Variants in ZNF385B observed in about 807,000 individuals in gnomAD.
ZNF385B encodes the protein zinc finger protein 385B, also known as zinc finger protein 533.
ZNF385B carries 23 observed loss-of-function variants against 39.2 expected under a neutral mutation model. The ratio of observed to expected loss-of-function variants is 0.59; its 90% CI spans 0.42 to 0.83. The LOEUF is 0.83. Among genes scored for constraint, ZNF385B ranks in the 40% least tolerant of loss-of-function variants. ZNF385B has a pLI of 0.00. For synonymous variants in ZNF385B, 205 were observed against 222.6 expected (o/e 0.92, Z 0.70); for missense variants, 552 against 598.9 (o/e 0.92, Z 0.82).
chr2:179,605,581 A>G (rs917956389), intron 3 of ZNF385B, among the ~76,000 whole-genome samples: 4 of 152,180 alleles, frequency 2.6e-5, no homozygotes, highest in Non-Finnish European at 5.9e-5. Context: ...GCAGGTCCCA[A>G]TGGCTATAAT....
At chr2:179,780,019 G>A (rs1381949011) in intron 1 of ZNF385B, among the ~76,000 whole-genome samples, 1 of 151,998 alleles carries the variant, frequency 6.6e-6, no homozygotes, top group African/African-American at 2.4e-5. Flanking sequence ...TTGGAGGAGA[G>A]GGTAAGTGGT....
intron 3 of ZNF385B, among the ~76,000 whole-genome samples, chr2:179,556,184 T>G (rs1223344504): frequency 6.7e-6 from 1 of 148,954 alleles, no homozygotes; most frequent in African/African-American, 2.5e-5. Context: ...TTGGATTTCT[T>G]ACATTTAAGT....
At chr2:179,455,675 G>C (rs915630315) in intron 6 of ZNF385B, among the ~76,000 whole-genome samples, 1 of 151,904 alleles carries the variant, frequency 6.6e-6, no homozygotes, top group African/African-American at 2.4e-5. Context: ...CAGATCACTC[G>C]AGGTCAGTAT....
At chr2:179,487,732 G>A (rs1483895557) in intron 5 of ZNF385B, among the ~76,000 whole-genome samples, 1 of 152,176 alleles carries the variant, frequency 6.6e-6, no homozygotes, top group East Asian at 1.9e-4. Context: ...CTTGCATTCT[G>A]CTTCCCCTCC....
At chr2:179,701,068 A>G (rs1287034271) in intron 3 of ZNF385B, among the ~76,000 whole-genome samples, 1 of 152,190 alleles carries the variant, frequency 6.6e-6, no homozygotes, top group Admixed American at 6.5e-5. Context: ...GGTATCATCT[A>G]TATCATGTTT....
At chr2:179,466,017 A>G (rs1270166622) in intron 6 of ZNF385B, among the ~76,000 whole-genome samples, 2 of 152,222 alleles carry the variant, frequency 1.3e-5, no homozygotes, top group African/African-American at 4.8e-5. Flanking sequence ...AGAAAAATTC[A>G]CTGCTAATAG....
intron 3 of ZNF385B, among the ~76,000 whole-genome samples, chr2:179,588,762 A>G (rs1320828885): frequency 6.6e-6 from 1 of 152,130 alleles, no homozygotes; most frequent in Admixed American, 6.5e-5. Flanking sequence ...GTTACAATGC[A>G]CTGCCCTTTG....
chr2:179,628,851 A>G (rs1393694434), intron 3 of ZNF385B, among the ~76,000 whole-genome samples: 1 of 152,216 alleles, frequency 6.6e-6, no homozygotes, highest in Non-Finnish European at 1.5e-5. Context: ...TACAGGAACG[A>G]CAGCATAAAT....
intron 3 of ZNF385B, among the ~76,000 whole-genome samples, chr2:179,557,372 T>C (rs1340200183): frequency 7.2e-6 from 1 of 138,356 alleles, no homozygotes; most frequent in African/African-American, 2.9e-5. Context: ...ACATGATTAA[T>C]GGGAGAAATT....
At chr2:179,568,692 A>G (rs1684875515) in intron 3 of ZNF385B, among the ~76,000 whole-genome samples, 1 of 152,192 alleles carries the variant, frequency 6.6e-6, no homozygotes, top group African/African-American at 2.4e-5. Flanking sequence ...GAGAAATGGT[A>G]TTTATTCAAT....
chr2:179,465,786 T>A (rs952782437), intron 6 of ZNF385B, among the ~76,000 whole-genome samples: 14 of 152,198 alleles, frequency 9.2e-5, no homozygotes, highest in African/African-American at 3.4e-4. Flanking sequence ...CTCCATACCT[T>A]TATAATCCTC....
At chr2:179,790,237 C>T (rs1705246431) in intron 1 of ZNF385B, among the ~76,000 whole-genome samples, 1 of 152,136 alleles carries the variant, frequency 6.6e-6, no homozygotes, top group African/African-American at 2.4e-5. Flanking sequence ...TCCTCTTTTG[C>T]CTTTTCATAT....
intron 3 of ZNF385B, among the ~76,000 whole-genome samples, chr2:179,603,682 C>T (rs1320546282): frequency 6.6e-6 from 1 of 152,068 alleles, no homozygotes; most frequent in African/African-American, 2.4e-5. Flanking sequence ...ATAGTGTCTC[C>T]AGTTGACCCA....
At chr2:179,850,690 T>C (rs1684062784) in intron 1 of ZNF385B, among the ~76,000 whole-genome samples, 1 of 152,202 alleles carries the variant, frequency 6.6e-6, no homozygotes, top group African/African-American at 2.4e-5. Flanking sequence ...TTCTGCTGTA[T>C]GTCTTTCATC....
chr2:179,596,344 C>A (rs1687997885), intron 3 of ZNF385B, among the ~76,000 whole-genome samples: 1 of 152,154 alleles, frequency 6.6e-6, no homozygotes, highest in African/African-American at 2.4e-5. Flanking sequence ...CTGCTTTCTG[C>A]AAGTGGAATT....
chr2:179,673,263 C>T (rs1027367901), intron 3 of ZNF385B, among the ~76,000 whole-genome samples: 1 of 152,158 alleles, frequency 6.6e-6, no homozygotes, highest in Non-Finnish European at 1.5e-5. Context: ...AGTGCATCCT[C>T]AACCCATGGC....
chr2:179,504,484 G>A (rs1272134586), intron 5 of ZNF385B, among the ~76,000 whole-genome samples: 1 of 152,116 alleles, frequency 6.6e-6, no homozygotes, highest in Non-Finnish European at 1.5e-5. Context: ...CCAGTTTACA[G>A]TCCCACCAAC....
intron 3 of ZNF385B, among the ~76,000 whole-genome samples, chr2:179,747,279 T>A (rs1356249278): frequency 6.6e-6 from 1 of 152,132 alleles, no homozygotes; most frequent in Non-Finnish European, 1.5e-5. Flanking sequence ...GAAAGTTGAC[T>A]CCTTACGGGC....
At chr2:179,635,405 A>G (rs1362904162) in intron 3 of ZNF385B, among the ~76,000 whole-genome samples, 1 of 151,258 alleles carries the variant, frequency 6.6e-6, no homozygotes, top group Non-Finnish European at 1.5e-5. Context: ...CTGGGGGAGG[A>G]ATAGCATTAG....
Sources: gnomAD v4.1 joint callset for allele counts (sites outside exome capture counted in the v4.1 genomes callset) on GRCh38, gnomAD v4.1.1 for gene constraint, MANE v1.5 for transcripts, NCBI Gene and HGNC (gene_info 2026-07-23, HGNC 2026-07-21) for gene names.